Variants in MAN1A2 observed in about 807,000 individuals in gnomAD.
The protein encoded by MAN1A2 is mannosyl-oligosaccharide 1,2-alpha-mannosidase IB.
MAN1A2 carries 26 observed loss-of-function variants against 75.7 expected under a neutral mutation model. The ratio of observed to expected loss-of-function variants is 0.34; its 90% CI spans 0.25 to 0.48. The LOEUF (loss-of-function observed/expected upper bound fraction) is 0.48, where lower values mean the gene tolerates loss of function less well. Among genes scored for constraint, MAN1A2 ranks in the 20% least tolerant of loss-of-function variants. The probability of loss-of-function intolerance (pLI) is 0.99; values close to 1 mark genes in which losing one functional copy is unlikely to be tolerated. For synonymous variants in MAN1A2, 247 were observed against 264.6 expected, an observed-to-expected ratio of 0.93 and a Z score of 0.65; for missense variants, 562 against 775.5, an observed-to-expected ratio of 0.72 and a Z score of 3.27.
intron 6 of MAN1A2, among the ~76,000 whole-genome samples, chr1:117,443,002 A>T (rs973739139): frequency 1.3e-5 from 2 of 152,188 alleles, no homozygotes; most frequent in African/African-American, 2.4e-5. Flanking sequence ...ACATATTTGA[A>T]CTTGCATTTA....
chr1:117,446,652 A>T (rs150371380), intron 6 of MAN1A2, among the ~76,000 whole-genome samples: 1 of 151,990 alleles, frequency 6.6e-6, no homozygotes, highest in African/African-American at 2.4e-5. Flanking sequence ...TAAAAATTAC[A>T]ATTTGAATCC....
chr1:117,478,616 A>T (rs1419776406), intron 8 of MAN1A2, among the ~76,000 whole-genome samples: 1 of 151,658 alleles, frequency 6.6e-6, no homozygotes, highest in African/African-American at 2.4e-5. Flanking sequence ...ATCAAAGTTT[A>T]TTTTTTTTAC....
At chr1:117,510,296 G>A (rs370445829) in intron 12 of MAN1A2, among the ~76,000 whole-genome samples, 2 of 152,076 alleles carry the variant, frequency 1.3e-5, no homozygotes, top group African/African-American at 2.4e-5. Context: ...CTGAGAGAGC[G>A]AACTTTTCAG....
At chr1:117,462,042 T>C (rs1273306974) in intron 7 of MAN1A2, among the ~76,000 whole-genome samples, 5 of 152,156 alleles carry the variant, frequency 3.3e-5, no homozygotes, top group African/African-American at 9.6e-5. Context: ...CCTACATATA[T>C]GTAGAAACTT....
At chr1:117,433,899 T>C (rs1009071505) in intron 5 of MAN1A2, among the ~76,000 whole-genome samples, 3 of 152,152 alleles carry the variant, frequency 2.0e-5, no homozygotes, top group Admixed American at 6.6e-5. Context: ...GCATACTACC[T>C]GAGTAACAAG....
chr1:117,493,075 GA>G, intron 8 of MAN1A2, 71 bp from the exon 9 acceptor site: 1 of 815,824 alleles, frequency 1.2e-6, no homozygotes, highest in South Asian at 1.5e-5. Flanking sequence ...CATTATAATT[GA>G]AAATGTTACT....
intron 5 of MAN1A2, among the ~76,000 whole-genome samples, chr1:117,438,753 G>A (rs1388440944): frequency 1.3e-5 from 2 of 152,164 alleles, no homozygotes; most frequent in East Asian, 1.9e-4. Context: ...ATATAGGTTT[G>A]TAGTATAGGA....
At position 117,368,136 on chromosome 1, in the gene MAN1A2, G is replaced by T; in HGVS notation, c.-48G>T. On this transcript the variant is annotated 5_prime_UTR_variant, in exon 1 of 13. Transcript: ENST00000356554. ...AGACAGTTCAATGTATTCTACATTT[G>T]ACATAAGATGAGAACTTTCTAAAGT... The T allele has an allele frequency of 1.3e-6, 2 of 1,515,568 alleles. No individual in the cohort carries two copies. The highest frequency in any genetic ancestry group is 1.3e-5 in the South Asian group (1 of 78,034). The allele number at this position is 1,515,568 out of a possible 1,614,324, so 93.9% of individuals were successfully genotyped here.
intron 1 of MAN1A2, among the ~76,000 whole-genome samples, chr1:117,377,406 T>C (rs10801957): frequency 0.12 from 18,878 of 152,268 alleles, 1,233 homozygotes; most frequent in Non-Finnish European, 0.14. Context: ...TAAAGAGCAA[T>C]TTATTTATAT....
chr1:117,385,473 C>T (rs1397409658), intron 1 of MAN1A2, among the ~76,000 whole-genome samples: 2 of 152,194 alleles, frequency 1.3e-5, no homozygotes, highest in African/African-American at 2.4e-5. Flanking sequence ...TTCTCATCTA[C>T]ACCATATTCA....
At chr1:117,516,495 A>G (rs1651717046) in intron 12 of MAN1A2, among the ~76,000 whole-genome samples, 2 of 152,248 alleles carry the variant, frequency 1.3e-5, no homozygotes, top group East Asian at 1.9e-4. Flanking sequence ...ACATAATTAC[A>G]TGGCATTCAG....
chr1:117,416,536 A>G (rs1647998612), intron 4 of MAN1A2, among the ~76,000 whole-genome samples: 1 of 152,190 alleles, frequency 6.6e-6, no homozygotes. Context: ...TCCCTTGTAT[A>G]TCATTATTAT....
At chr1:117,457,656 T>TA (rs1243080134) in intron 6 of MAN1A2, among the ~76,000 whole-genome samples, 1 of 152,188 alleles carries the variant, frequency 6.6e-6, no homozygotes, top group East Asian at 1.9e-4. Flanking sequence ...TTGGACTTCC[T>TA]AAGTTTTGTT....
intron 5 of MAN1A2, among the ~76,000 whole-genome samples, chr1:117,434,801 A>G (rs953995477): frequency 2.0e-4 from 29 of 148,126 alleles, no homozygotes; most frequent in Non-Finnish European, 2.5e-4. Flanking sequence ...GTGTGTATCC[A>G]TTCAGTCAGC....
intron 12 of MAN1A2, among the ~76,000 whole-genome samples, chr1:117,506,210 T>G (rs984994385): frequency 1.3e-5 from 2 of 151,540 alleles, no homozygotes; most frequent in Non-Finnish European, 3.0e-5. Context: ...AGATTATGTA[T>G]TCTCCCAATT....
At chr1:117,409,515 A>T (rs1484251073) in intron 3 of MAN1A2, among the ~76,000 whole-genome samples, 1 of 152,056 alleles carries the variant, frequency 6.6e-6, no homozygotes, top group Non-Finnish European at 1.5e-5. Context: ...ATTTGTTCTT[A>T]GAAAGAATGG....
chr1:117,441,965 A>C (rs911315664), intron 5 of MAN1A2, among the ~76,000 whole-genome samples: 1 of 152,182 alleles, frequency 6.6e-6, no homozygotes, highest in Non-Finnish European at 1.5e-5. Flanking sequence ...TGCCAGATGA[A>C]AATAGACTAT....
chr1:117,465,129 C>T (rs952586133), intron 7 of MAN1A2, among the ~76,000 whole-genome samples: 2 of 151,660 alleles, frequency 1.3e-5, no homozygotes, highest in African/African-American at 2.4e-5. Flanking sequence ...AAATAGTTAT[C>T]AACAAAATGA....
At chr1:117,437,685 A>G (rs1648889534) in intron 5 of MAN1A2, among the ~76,000 whole-genome samples, 1 of 152,016 alleles carries the variant, frequency 6.6e-6, no homozygotes, top group African/African-American at 2.4e-5. Flanking sequence ...CAGTTTTTCT[A>G]CTCTGTAAAA....
Sources: allele counts gnomAD v4.1 joint callset (sites outside exome capture counted in the v4.1 genomes callset), GRCh38; gene constraint gnomAD v4.1.1; transcripts MANE v1.5; gene names NCBI Gene and HGNC (gene_info 2026-07-23, HGNC 2026-07-21).